Variants in XKR5 observed in about 807,000 individuals in gnomAD.
The protein encoded by XKR5 is XK related 5.
In XKR5, 46 loss-of-function variants were observed where a neutral mutation model predicts 40.8. The observed-to-expected ratio is 1.13, with a 90% CI of 0.89 to 1.44. The LOEUF is 1.44. Ranked by LOEUF, XKR5 falls within the 40% of genes most tolerant of loss-of-function variation. The pLI is 0.00. For synonymous variants in XKR5, 466 were observed against 356.1 expected, an observed-to-expected ratio of 1.31 and a Z score of -3.48; for missense variants, 1,169 against 844.7, an observed-to-expected ratio of 1.38 and a Z score of -4.76.
In XKR5 at chr8:6,812,355, A is replaced by C; in HGVS notation, c.920-16T>G. ...GAGACACTGCCTGAAAAAGAACAAA[A>C]AGACCACAAGGTTATGTTCTTTGAA... On this transcript the variant is annotated splice_polypyrimidine_tract_variant and intron_variant, in intron 6 of 6. Coordinates refer to ENST00000618742, the MANE Select transcript of XKR5 (RefSeq NM_207411.5). 1 of 1,526,996 alleles carries C rather than the reference A, an allele frequency of 6.5e-7. No homozygotes were observed. 94.6% of individuals were successfully genotyped at this position (1,526,996 alleles called of 1,614,324 possible).
chr8:6,809,304 T>TA lies in XKR5; in HGVS notation c.*1893_*1894insT, dbSNP rs1404002862. The stretch of plus-strand genomic sequence containing the variant: ...GATTTTGTTCTATTAACAAGCTTTT[T>TA]TTTTAGATAGAGTCTTGCTCTGTCG... On this transcript the variant is annotated 3_prime_UTR_variant, in exon 7 of 7. Coordinates refer to ENST00000618742, the MANE Select transcript of XKR5 (RefSeq NM_207411.5). 6.6e-6 allele frequency: 1 copy of TA among 151,906 alleles called. No homozygotes were observed. Among genetic ancestry groups the TA allele is most frequent in the Non-Finnish European group, 1.5e-5 (1 of 67,996 alleles). 9.4% of individuals were successfully genotyped at this position (151,906 alleles called of 1,614,324 possible). A position where few individuals can be genotyped will look rare whatever the true frequency, so the allele number is the denominator to read the frequency against.
At position 6,810,972 on chromosome 8, in the gene XKR5, G is replaced by A. The variant is rs189688402; in HGVS notation, c.*226C>T. ...TGGAATCTCTTTCTCCTCCTCTAAA[G>A]TATGTTAGAGTCTCTCCTATGCATG... On this transcript the variant is annotated 3_prime_UTR_variant, in exon 7 of 7. Transcript: ENST00000618742. 321 of 431,352 alleles carry A rather than the reference G, an allele frequency of 7.4e-4. 1 individual carries two copies. The Middle Eastern group carries it at 0.017, about 23-fold the overall frequency. 26.7% of individuals were successfully genotyped at this position (431,352 alleles called of 1,614,324 possible). A position where few individuals can be genotyped will look rare whatever the true frequency, so the allele number is the denominator to read the frequency against.
At chr8:6,826,384 T>C (rs1056381628) in intron 2 of XKR5, among the ~76,000 whole-genome samples, 3 of 151,902 alleles carry the variant, frequency 2.0e-5, no homozygotes, top group African/African-American at 7.3e-5. Flanking sequence ...GATAGGAACA[T>C]CAGGAGGAAA....
Position 6,823,561 on chromosome 8 carries a change from C to T in XKR5, c.597G>A (p.Leu199=). 6.3e-7 allele frequency: 1 copy of T among 1,596,258 alleles called. No individual in the cohort carries two copies. Among genetic ancestry groups the T allele is most frequent in the East Asian group, 2.3e-5 (1 of 44,120 alleles). The change falls in exon 4 of 7, where the codon CTG becomes CTA. Residue 199 remains leucine (L), a synonymous_variant. Transcript: ENST00000618742. ...MLGTRVLSLV[L]FYKAYHFWVF... ...CCCAAAAGTGGTAGGCTTTGTAGAA[C>T]AGAACCAGACTCAGCACGCGGGTTC...
intron 5 of XKR5, among the ~76,000 whole-genome samples, chr8:6,819,907 C>G (rs952717186): frequency 1.3e-5 from 2 of 150,512 alleles, no homozygotes; most frequent in African/African-American, 4.9e-5. Flanking sequence ...TTCCTTCTTT[C>G]TCTGCTCTCT....
At chr8:6,832,041 CT>C (rs1804794611) in intron 2 of XKR5, among the ~76,000 whole-genome samples, 1 of 136,688 alleles carries the variant, frequency 7.3e-6, no homozygotes, top group East Asian at 2.2e-4. Flanking sequence ...AAAAACAAAC[CT>C]AACAACCCAA....
rs887348732 is a variant in XKR5, at chr8:6,811,106, A to T, written c.*92T>A. Reference sequence around the variant, plus strand: ...AGAGGTGACAGTGATGTGCCCAAGGACACAGGTGTCAGAAGTGGGATTTCC... The same window carrying T: ...AGAGGTGACAGTGATGTGCCCAAGGTCACAGGTGTCAGAAGTGGGATTTCC... On this transcript the variant is annotated 3_prime_UTR_variant, in exon 7 of 7. Coordinates refer to ENST00000618742, the MANE Select transcript of XKR5 (RefSeq NM_207411.5). The T allele has an allele frequency of 1.5e-5, 19 of 1,242,158 alleles. No homozygotes were observed. Among genetic ancestry groups the T allele is most frequent in the Non-Finnish European group, 2.1e-5 (19 of 915,092 alleles). The allele number at this position is 1,242,158 out of a possible 1,614,324, so 76.9% of individuals were successfully genotyped here.
rs768032880 is a variant in XKR5, at chr8:6,811,730, C to T, written c.1529G>A (p.Gly510Asp). ...TQNPAATQGE[G>D]TPKEGADAVS... ...AGCGTCAGCTCCTTCCTTTGGGGTG[C>T]CCTCCCCCTGCGTGGCTGCTGGGTT... The change falls in exon 7 of 7, where the codon GGC (glycine) becomes GAC (aspartate). Residue 510 changes from glycine (G) to aspartate (D), a missense_variant. Gly to Asp is a moderately conservative substitution (Grantham distance 94). Transcript: ENST00000618742. 9.8e-6 allele frequency: 15 copies of T among 1,537,576 alleles called. No individual in the cohort carries two copies. The highest frequency in any genetic ancestry group is 2.4e-5 in the South Asian group (2 of 84,058).
At chr8:6,822,199 C>G (rs1031532956) in intron 4 of XKR5, among the ~76,000 whole-genome samples, 161 bp from the exon 5 acceptor site, 7 of 152,154 alleles carry the variant, frequency 4.6e-5, no homozygotes, top group Admixed American at 2.6e-4. Flanking sequence ...GACAGAAAAC[C>G]AACACAGTTT....
chr8:6,831,622 C>T (rs546682243), intron 2 of XKR5, among the ~76,000 whole-genome samples: 3 of 152,252 alleles, frequency 2.0e-5, no homozygotes, highest in Non-Finnish European at 2.9e-5. Context: ...GCATTGGCCA[C>T]GACCCCTTGA....
chr8:6,825,681 C>T (rs1247516979), intron 2 of XKR5, among the ~76,000 whole-genome samples: 5 of 152,054 alleles, frequency 3.3e-5, no homozygotes, highest in South Asian at 4.1e-4. Context: ...ATCACCCCGA[C>T]CTGAGTCCCA....
rs778044462 is a variant in XKR5 at position 6,825,244 on chromosome 8, C to G, written c.348G>C (p.Glu116Asp). ...GGTGGGGCCCAGTCTGCAGCAGGGC[C>G]TCCAAGAGTCGAAGGGCCGACAGGT... Reference protein sequence around the residue: ...EADLSALRLLEALLQTGPHLL... With the variant: ...EADLSALRLLDALLQTGPHLL... The change falls in exon 3 of 7, where the codon GAG (glutamate) becomes GAC (aspartate). Residue 116 changes from glutamate to aspartate, a missense_variant. Glu to Asp is a conservative substitution (Grantham distance 45). Coordinates refer to ENST00000618742, the MANE Select transcript of XKR5 (RefSeq NM_207411.5). The G allele has an allele frequency of 1.9e-6, 3 of 1,612,774 alleles. No individual in the cohort carries two copies. The East Asian group carries it at 6.7e-5, about 36-fold the overall frequency.
rs1455334378 is a variant in XKR5 at position 6,809,273 on chromosome 8, A to G, written c.*1925T>C. ...CTGGGATAGCACAGTGAATGGAACTATGAATGATTTTGTTCTATTAACAAG... is the reference window on the plus strand; with the variant it reads ...CTGGGATAGCACAGTGAATGGAACTGTGAATGATTTTGTTCTATTAACAAG... On this transcript the variant is annotated 3_prime_UTR_variant, in exon 7 of 7. Coordinates refer to ENST00000618742, the MANE Select transcript of XKR5 (RefSeq NM_207411.5). The G allele has an allele frequency of 4.0e-5, 6 of 150,418 alleles. No individual in the cohort carries two copies. Among genetic ancestry groups the G allele is most frequent in the African/African-American group, 9.9e-5 (4 of 40,532 alleles). 9.3% of individuals were successfully genotyped at this position (150,418 alleles called of 1,614,324 possible).
chr8:6,815,742 C>G, intron 6 of XKR5, 65 bp downstream of exon 6: 1 of 1,156,162 alleles, frequency 8.6e-7, no homozygotes, highest in Non-Finnish European at 1.3e-6. Flanking sequence ...CCCTTTGAGC[C>G]CATTGTAAAA....
rs547256977 is a variant in XKR5, at chr8:6,811,331, C to G, written c.1928G>C (p.Gly643Ala). The change falls in exon 7 of 7, where the codon GGT becomes GCT. Residue 643 changes from glycine (G) to alanine (A), a missense_variant. Transcript: ENST00000618742. ...KRELSHHAAV[G>A]VWVSLPQLRT... ...CAGCTGTGGCAATGACACCCACACA[C>G]CAACAGCTGCATGGTGACTTAGCTC... The G allele has an allele frequency of 2.0e-6, 3 of 1,537,366 alleles. No individual in the cohort carries two copies. The highest frequency in any genetic ancestry group is 2.4e-5 in the East Asian group (1 of 40,924).
At chr8:6,815,719 A>T (rs903651504) in intron 6 of XKR5, 88 bp downstream of exon 6, 2 of 895,518 alleles carry the variant, frequency 2.2e-6, no homozygotes, top group Non-Finnish European at 3.5e-6. Context: ...CCACATCTGA[A>T]CTCAGTTTCC....
rs182854368 is a variant in XKR5, at chr8:6,827,238, C to T, written c.243-1889G>A. On this transcript the variant is annotated intron_variant, in intron 2 of 6. Transcript: ENST00000618742. ...GCAATAAGGAGATGACCACAGCCGC[C>T]TGCACACGAGCCTGCTGCCCAGCAA... Among the ~76,000 whole-genome samples the T allele has an allele frequency of 1.2e-3, 178 of 152,314 alleles. 1 individual carries two copies. Among genetic ancestry groups the T allele is most frequent in the African/African-American group, 4.0e-3 (168 of 41,568 alleles).
intron 5 of XKR5, among the ~76,000 whole-genome samples, chr8:6,817,189 C>A (rs886652117): frequency 1.3e-5 from 2 of 152,162 alleles, no homozygotes; most frequent in Non-Finnish European, 2.9e-5. Context: ...TCCTCCACAC[C>A]AATGTCAGGG....
chr8:6,828,440 A>T (rs977755885), intron 2 of XKR5, among the ~76,000 whole-genome samples: 1 of 152,218 alleles, frequency 6.6e-6, no homozygotes, highest in Non-Finnish European at 1.5e-5. Flanking sequence ...CTACTCTTGT[A>T]AGAAACAGAG....
Sources: allele counts gnomAD v4.1 joint callset (sites outside exome capture counted in the v4.1 genomes callset), GRCh38; gene constraint gnomAD v4.1.1; transcripts MANE v1.5; gene names NCBI Gene and HGNC (gene_info 2026-07-23, HGNC 2026-07-21).